SAMTOR: variants seen among roughly 807,000 people sequenced by gnomAD.
SAMTOR encodes UPF0532 protein C7orf60.
the SAMTOR span, among the ~76,000 whole-genome samples, chr7:112,916,535 T>C: frequency 5.4e-4 from 82 of 152,340 alleles, 3 homozygotes; most frequent in East Asian, 0.012. Flanking sequence ...AGGTGATTTC[T>C]GCATTTCCAT....
chr7:112,841,445 G>C, the SAMTOR span, among the ~76,000 whole-genome samples: 1 of 152,170 alleles, frequency 6.6e-6, no homozygotes, highest in African/African-American at 2.4e-5. Flanking sequence ...CAAACAAATG[G>C]AAAAACATTC....
chr7:112,934,413 A>T, the SAMTOR span, among the ~76,000 whole-genome samples: 1 of 152,038 alleles, frequency 6.6e-6, no homozygotes, highest in African/African-American at 2.4e-5. Flanking sequence ...CTTGCCTCCA[A>T]CTCCTACCAT....
At chr7:112,829,660 G>A in the SAMTOR span, among the ~76,000 whole-genome samples, 1 of 152,144 alleles carries the variant, frequency 6.6e-6, no homozygotes, top group African/African-American at 2.4e-5. Flanking sequence ...TGTGTTCTGG[G>A]ATGTAGTTAA....
chr7:112,925,854 G>A, the SAMTOR span, among the ~76,000 whole-genome samples: 1 of 151,774 alleles, frequency 6.6e-6, no homozygotes, highest in African/African-American at 2.4e-5. Context: ...TAGTTTAATT[G>A]GGTGAGAATC....
At chr7:112,861,740 C>G in the SAMTOR span, among the ~76,000 whole-genome samples, 2 of 152,120 alleles carry the variant, frequency 1.3e-5, no homozygotes, top group Non-Finnish European at 2.9e-5. Flanking sequence ...CTGATGCAAA[C>G]TAGGGTAAGG....
the SAMTOR span, among the ~76,000 whole-genome samples, chr7:112,839,568 A>C: frequency 1.3e-5 from 2 of 151,822 alleles, no homozygotes; most frequent in African/African-American, 4.8e-5. Flanking sequence ...CTGAGAACCC[A>C]ATATCACCTA....
the SAMTOR span, among the ~76,000 whole-genome samples, chr7:112,847,438 G>A: frequency 6.6e-6 from 1 of 152,130 alleles, no homozygotes; most frequent in African/African-American, 2.4e-5. Context: ...ACATACATAA[G>A]ATAAACCTGT....
At chr7:112,839,253 C>T in the SAMTOR span, among the ~76,000 whole-genome samples, 2 of 151,798 alleles carry the variant, frequency 1.3e-5, no homozygotes, top group South Asian at 2.1e-4. Context: ...GATTTAAAAT[C>T]TGAGACTACA....
the SAMTOR span, among the ~76,000 whole-genome samples, chr7:112,907,135 G>A: frequency 0.017 from 2,562 of 152,158 alleles, 22 homozygotes; most frequent in Non-Finnish European, 0.021. Context: ...AGTAGGCATG[G>A]ATCAATGATA....
At chr7:112,937,678 T>C in the SAMTOR span, among the ~76,000 whole-genome samples, 1 of 150,708 alleles carries the variant, frequency 6.6e-6, no homozygotes, top group Non-Finnish European at 1.5e-5. Flanking sequence ...TAGAGAAGTC[T>C]AGATCACCGG....
At chr7:112,839,735 G>C in the SAMTOR span, among the ~76,000 whole-genome samples, 1 of 151,874 alleles carries the variant, frequency 6.6e-6, no homozygotes, top group South Asian at 2.1e-4. Context: ...CTATAGATTT[G>C]TCAATTTTCA....
At chr7:112,895,634 A>G in the SAMTOR span, 2 of 1,597,392 alleles carry the variant, frequency 1.3e-6, no homozygotes, top group South Asian at 2.2e-5. Context: ...GAGAAGACTC[A>G]TGCATATTTA....
the SAMTOR span, among the ~76,000 whole-genome samples, chr7:112,902,165 G>A: frequency 2.0e-5 from 3 of 151,914 alleles, no homozygotes; most frequent in African/African-American, 7.3e-5. Flanking sequence ...CACTTTGGGA[G>A]GCCGAGGTGG....
the SAMTOR span, among the ~76,000 whole-genome samples, chr7:112,907,838 C>CTTATTTATTTATTTAT: frequency 1.7e-5 from 2 of 118,934 alleles, no homozygotes; most frequent in African/African-American, 6.2e-5. Flanking sequence ...GGTATTCTTA[C>CTTATTTATTTATTTAT]TTACTTATTT....
At chr7:112,837,943 C>T in the SAMTOR span, among the ~76,000 whole-genome samples, 577 of 152,084 alleles carry the variant, frequency 3.8e-3, 4 homozygotes, top group Middle Eastern at 6.8e-3. Flanking sequence ...AGGAAGCTTA[C>T]ATAACACATG....
chr7:112,907,942 C>T, the SAMTOR span, among the ~76,000 whole-genome samples: 1 of 151,968 alleles, frequency 6.6e-6, no homozygotes, highest in Non-Finnish European at 1.5e-5. Flanking sequence ...CTAATAAAAT[C>T]ACATATGCAT....
chr7:112,838,723 C>A, the SAMTOR span, among the ~76,000 whole-genome samples: 7 of 151,576 alleles, frequency 4.6e-5, no homozygotes, highest in African/African-American at 7.3e-5. Flanking sequence ...AGACAATAAT[C>A]TTGATGGGTA....
the SAMTOR span, among the ~76,000 whole-genome samples, chr7:112,825,827 G>T: frequency 6.6e-6 from 1 of 150,536 alleles, no homozygotes. Context: ...CCTTTATCAG[G>T]TTCAAGAAAT....
chr7:112,853,791 C>A, the SAMTOR span, among the ~76,000 whole-genome samples: 1 of 152,068 alleles, frequency 6.6e-6, no homozygotes. Flanking sequence ...ATATGGTGGG[C>A]TTCCATAAAA....
Sources: gnomAD v4.1 joint callset for allele counts (sites outside exome capture counted in the v4.1 genomes callset) on GRCh38, gnomAD v4.1.1 for gene constraint, MANE v1.5 for transcripts, NCBI Gene and HGNC (gene_info 2026-07-23, HGNC 2026-07-21) for gene names.